WDFY4: variants seen among roughly 807,000 people sequenced by gnomAD.
WDFY4 encodes the protein WD repeat- and FYVE domain-containing protein 4.
Under a neutral mutation model 351.9 loss-of-function variants are expected in WDFY4, and 169 were observed. That is an observed-to-expected ratio of 0.48 (90% CI 0.42 to 0.55). The LOEUF (loss-of-function observed/expected upper bound fraction) is 0.55. Ranked by LOEUF, WDFY4 falls within the 20% of genes least tolerant of loss-of-function variation. The pLI, the probability that WDFY4 is intolerant of heterozygous loss-of-function variation, is 0.00. For synonymous variants in WDFY4, 1,622 were observed against 1,574.6 expected (o/e 1.03, Z -0.71); for missense variants, 3,803 against 3,935.6 (o/e 0.97, Z 0.90).
At chr10:48,817,147 C>T (rs1589679249) in intron 31 of WDFY4, 98 bp from the exon 32 acceptor site, 1 of 1,371,140 alleles carries the variant, frequency 7.3e-7, no homozygotes, top group East Asian at 2.5e-5. Context: ...TGTTGAAAGT[C>T]TCAGGAAGGA....
chr10:48,825,730 A>G (rs1417843506), intron 35 of WDFY4, among the ~76,000 whole-genome samples: 2 of 151,424 alleles, frequency 1.3e-5, no homozygotes, highest in African/African-American at 2.4e-5. Context: ...TTTTTTTCAT[A>G]TATTTGTTGG....
chr10:48,695,116 A>T, intron 1 of WDFY4, among the ~76,000 whole-genome samples: 1 of 152,228 alleles, frequency 6.6e-6, no homozygotes, highest in East Asian at 1.9e-4. Flanking sequence ...ACTGACACTG[A>T]GTGTGCTGGT....
chr10:48,721,436 G>T, intron 4 of WDFY4, 69 bp downstream of exon 4: 1 of 1,409,018 alleles, frequency 7.1e-7, no homozygotes, highest in Non-Finnish European at 9.8e-7. Context: ...GTCCAGCACA[G>T]GGTGGTGGCA....
At chr10:48,937,506 C>T (rs1012353127) in intron 47 of WDFY4, among the ~76,000 whole-genome samples, 4 of 152,186 alleles carry the variant, frequency 2.6e-5, no homozygotes, top group African/African-American at 9.7e-5. Flanking sequence ...TTTCACCTCC[C>T]TGGCCTGTAC....
rs1256873279 is a variant in WDFY4, at chr10:48,981,459, A to G, written c.9469A>G (p.Thr3157Ala). The G allele has an allele frequency of 3.2e-6, 5 of 1,551,656 alleles. No individual in the cohort carries two copies. The highest frequency in any genetic ancestry group is 4.4e-6 in the Non-Finnish European group (5 of 1,146,954). The change falls in exon 61 of 62, where the codon ACT becomes GCT. Residue 3157 changes from threonine to alanine, a missense_variant. By Grantham distance (58) the Thr-to-Ala change is moderately conservative. Coordinates refer to ENST00000325239, the MANE Select transcript of WDFY4 (RefSeq NM_001394531.1). ...GKPSKTSPAV[T>A]ALAVSRNHTK... ...GCCCAGCAAAACCAGCCCCGCAGTG[A>G]CTGCTCTGGCCGTGTCCAGGTAAGC...
In WDFY4 at chr10:48,774,587, G is replaced by C. The variant is rs767957796; in HGVS notation, c.2683G>C (p.Val895Leu). 10 of 1,551,684 alleles carry C rather than the reference G, an allele frequency of 6.4e-6. No homozygotes were observed. In the South Asian group the frequency reaches 1.2e-4, roughly 18 times the overall value. The change falls in exon 14 of 62, where the codon GTC becomes CTC. Residue 895 changes from valine to leucine, a missense_variant. Physicochemically the swap from Val to Leu is conservative, Grantham distance 32 (BLOSUM62 1). This residue lies in a region of WDFY4 where 3,054 missense variants were observed against 3,148.6 expected (regional missense o/e 0.97). Coordinates refer to ENST00000325239, the MANE Select transcript of WDFY4 (RefSeq NM_001394531.1). Reference sequence around the variant, plus strand: ...CATGGCCTCCTGCCACAGGGCCCTGGTCACCAGTGGCAGCCCCCTCCACTC... The same window carrying C: ...CATGGCCTCCTGCCACAGGGCCCTGCTCACCAGTGGCAGCCCCCTCCACTC... The part of the protein sequence containing the change: ...TLMASCHRAL[V>L]TSGSPLHSRL...
chr10:48,780,237 G>A (rs113792355), intron 19 of WDFY4, 118 bp downstream of exon 19: 352 of 1,304,030 alleles, frequency 2.7e-4, no homozygotes, highest in Middle Eastern at 1.2e-3. Flanking sequence ...TTTATTACTG[G>A]TAGGGTTGGC....
At chr10:48,694,057 T>C (rs2063266691) in intron 1 of WDFY4, among the ~76,000 whole-genome samples, 1 of 152,256 alleles carries the variant, frequency 6.6e-6, no homozygotes, top group Non-Finnish European at 1.5e-5. Flanking sequence ...TTTATTCTGA[T>C]CAAATTATTC....
Position 48,982,589 on chromosome 10 carries a change from G to C in WDFY4, c.*14G>C. On this transcript the variant is annotated 3_prime_UTR_variant, in exon 62 of 62. Transcript: ENST00000325239. The stretch of plus-strand genomic sequence containing the variant: ...GCAGATGGGTAGGAAGAGAGAGGCA[G>C]CAGAGGCTCTGGCACAACAGTGCCA... 6.5e-7 allele frequency: 1 copy of C among 1,548,722 alleles called. No homozygotes were observed. Among genetic ancestry groups the C allele is most frequent in the Non-Finnish European group, 8.7e-7 (1 of 1,145,060 alleles).
At chr10:48,694,781 C>T (rs1013963611) in intron 1 of WDFY4, among the ~76,000 whole-genome samples, 4 of 152,150 alleles carry the variant, frequency 2.6e-5, no homozygotes, top group Non-Finnish European at 5.9e-5. Flanking sequence ...GCCCGGGGTG[C>T]CTGTCCACTT....
At chr10:48,876,623 A>T (rs2663033) in intron 42 of WDFY4, among the ~76,000 whole-genome samples, 57,446 of 152,086 alleles carry the variant, frequency 0.38, 11,210 homozygotes, top group East Asian at 0.71. Context: ...CAATAAAAGG[A>T]TATTGTTTCT....
intron 57 of WDFY4, 68 bp from the exon 58 acceptor site, chr10:48,974,794 G>T: frequency 1.4e-6 from 2 of 1,427,350 alleles, no homozygotes; most frequent in Non-Finnish European, 9.3e-7. Flanking sequence ...TTTATAGGGA[G>T]GGTGAAGAAT....
chr10:48,788,994 A>G (rs1451142569), intron 21 of WDFY4, among the ~76,000 whole-genome samples: 1 of 152,206 alleles, frequency 6.6e-6, no homozygotes, highest in East Asian at 1.9e-4. Flanking sequence ...TTAATGACCC[A>G]CTAACACTGA....
chr10:48,901,252 C>A (rs1026253175), intron 46 of WDFY4, among the ~76,000 whole-genome samples: 1 of 152,264 alleles, frequency 6.6e-6, no homozygotes, highest in South Asian at 2.1e-4. Context: ...AAATTATATT[C>A]AAGGCCTAGT....
At chr10:48,853,583 C>G (rs768896734) in intron 39 of WDFY4, among the ~76,000 whole-genome samples, 2 of 152,188 alleles carry the variant, frequency 1.3e-5, no homozygotes, top group Admixed American at 1.3e-4. Flanking sequence ...TCCAGGCTTG[C>G]ATTCATTAAA....
Position 48,733,809 on chromosome 10 carries a change from C to G in WDFY4, c.1583-122C>G, listed in dbSNP as rs561076990. 413 of 845,048 alleles carry G rather than the reference C, an allele frequency of 4.9e-4. 3 individuals are homozygous for G. In the South Asian group the frequency reaches 6.8e-3, roughly 14 times the overall value. The allele number at this position is 845,048 out of a possible 1,614,324, so 52.3% of individuals were successfully genotyped here. On this transcript the variant is annotated intron_variant, in intron 9 of 61. Coordinates refer to ENST00000325239, the MANE Select transcript of WDFY4 (RefSeq NM_001394531.1). ...TCTATCTTACTAATTGGGATACACA[C>G]TCCCTTATGATGAAAGCATTATATT... is the stretch of plus-strand genomic sequence containing the variant.
intron 2 of WDFY4, 24 bp from the exon 3 acceptor site, chr10:48,719,987 A>G (rs2132268051): frequency 6.5e-7 from 1 of 1,548,030 alleles, no homozygotes; most frequent in East Asian, 2.4e-5. Context: ...GCTATCTCTG[A>G]CCAAGTCCCA....
chr10:48,982,698 G>C lies in WDFY4; in HGVS notation c.*123G>C, dbSNP rs779482666. 1.6e-5 allele frequency: 16 copies of C among 981,106 alleles called. No homozygotes were observed. The highest frequency in any genetic ancestry group is 2.1e-4 in the Middle Eastern group (1 of 4,744). 60.8% of individuals were successfully genotyped at this position (981,106 alleles called of 1,614,324 possible). The stretch of plus-strand genomic sequence containing the variant: ...GGCCTCCTTCCCCACAGTTCTCAAG[G>C]AAGGGCCTCTGGCAATCACAGCTCT... On this transcript the variant is annotated 3_prime_UTR_variant, in exon 62 of 62. Coordinates refer to ENST00000325239, the MANE Select transcript of WDFY4 (RefSeq NM_001394531.1).
At chr10:48,779,902 G>A (rs1417550214) in intron 18 of WDFY4, 39 bp from the exon 19 acceptor site, 3 of 1,549,056 alleles carry the variant, frequency 1.9e-6, no homozygotes, top group South Asian at 2.4e-5. Flanking sequence ...CTGCAGTGTA[G>A]CACCACACGT....
Sources: allele counts gnomAD v4.1 joint callset (sites outside exome capture counted in the v4.1 genomes callset), GRCh38; gene constraint gnomAD v4.1.1; regional missense constraint gnomAD v4.1.1; transcripts MANE v1.5; gene names NCBI Gene and HGNC (gene_info 2026-07-23, HGNC 2026-07-21).